The following TAF4B variants were observed in gnomAD, a reference collection of about 807,000 sequenced individuals.
TAF4B encodes transcription initiation factor TFIID subunit 4B.
In TAF4B, 38 loss-of-function variants were observed where a neutral mutation model predicts 86.4. The observed-to-expected ratio is 0.44, with a 90% CI of 0.34 to 0.58. The LOEUF (loss-of-function observed/expected upper bound fraction) is 0.58, where lower values mean the gene tolerates loss of function less well. TAF4B is among the 20% of genes least tolerant of loss of function. The pLI is 0.02. For missense variants in TAF4B, 988 were observed against 1,027.6 expected, an observed-to-expected ratio of 0.96 and a Z score of 0.53; for synonymous variants, 388 against 391.2, an observed-to-expected ratio of 0.99 and a Z score of 0.10.
At chr18:26,282,758 ACTT>A (rs1487873229) in intron 6 of TAF4B, among the ~76,000 whole-genome samples, 1 of 152,178 alleles carries the variant, frequency 6.6e-6, no homozygotes, top group Non-Finnish European at 1.5e-5. Flanking sequence ...ACACAGCAGA[ACTT>A]CTTTCAAAAT....
At chr18:26,382,135 A>C (rs1342189747) in intron 14 of TAF4B, among the ~76,000 whole-genome samples, 1 of 152,188 alleles carries the variant, frequency 6.6e-6, no homozygotes, top group Non-Finnish European at 1.5e-5. Context: ...ACTTATATTC[A>C]CAGTTCTCCA....
At chr18:26,227,322 G>A (rs757209066) in intron 1 of TAF4B, 46 bp downstream of exon 1, 1 of 1,569,504 alleles carries the variant, frequency 6.4e-7, no homozygotes. Context: ...TCCAGCTGGC[G>A]GCGACGGGAA....
At chr18:26,340,407 A>C (rs1036370196) in intron 13 of TAF4B, among the ~76,000 whole-genome samples, 1 of 152,220 alleles carries the variant, frequency 6.6e-6, no homozygotes, top group Non-Finnish European at 1.5e-5. Context: ...GACAAATGAA[A>C]CTTGTCATGA....
chr18:26,368,834 A>G (rs1340970803), intron 14 of TAF4B, among the ~76,000 whole-genome samples: 5 of 152,140 alleles, frequency 3.3e-5, no homozygotes, highest in Admixed American at 2.6e-4. Context: ...CAAAGACTTA[A>G]AGGTTGACTC....
rs780563810 is a variant in TAF4B at position 26,335,165 on chromosome 18, C to T, written c.2260-10C>T. The T allele has an allele frequency of 5.6e-6, 9 of 1,607,216 alleles. No homozygotes were observed. The Admixed American group carries it at 6.7e-5, about 12-fold the overall frequency. ...GTAATTTCTATTAAAATTTTCTTTT[C>T]CTTTGATAGAGTCGTTCTAATAAAG... is the stretch of plus-strand genomic sequence containing the variant. On this transcript the variant is annotated splice_polypyrimidine_tract_variant and intron_variant, in intron 12 of 14. Coordinates refer to ENST00000269142, the MANE Select transcript of TAF4B (RefSeq NM_005640.3).
chr18:26,273,130 A>G (rs2056341678), intron 3 of TAF4B, among the ~76,000 whole-genome samples: 1 of 152,180 alleles, frequency 6.6e-6, no homozygotes, highest in African/African-American at 2.4e-5. Flanking sequence ...TTTCTAGAAC[A>G]TGTTGTATAA....
intron 14 of TAF4B, among the ~76,000 whole-genome samples, chr18:26,373,486 A>G (rs2057420489): frequency 6.6e-6 from 1 of 152,178 alleles, no homozygotes; most frequent in Admixed American, 6.5e-5. Context: ...ATTAATCAAA[A>G]TCAATATATG....
intron 9 of TAF4B, among the ~76,000 whole-genome samples, chr18:26,300,622 T>C (rs186603495): frequency 5.3e-5 from 8 of 152,150 alleles, no homozygotes; most frequent in Admixed American, 5.2e-4. Context: ...AATTTCAATT[T>C]TATTAAATTT....
chr18:26,282,219 ATAT>A (rs574296465), intron 6 of TAF4B, among the ~76,000 whole-genome samples, 159 bp downstream of exon 6: 33 of 152,356 alleles, frequency 2.2e-4, no homozygotes, highest in African/African-American at 6.3e-4. Flanking sequence ...CGTGTTCATA[ATAT>A]TATTTTAATT....
chr18:26,339,898 G>A (rs140700698), intron 13 of TAF4B, among the ~76,000 whole-genome samples: 22 of 152,278 alleles, frequency 1.4e-4, no homozygotes, highest in African/African-American at 4.8e-4. Context: ...TTTGGGAAAT[G>A]TGAGTTCAAT....
intron 3 of TAF4B, among the ~76,000 whole-genome samples, chr18:26,271,896 C>T (rs959592839): frequency 6.9e-6 from 1 of 144,272 alleles, no homozygotes; most frequent in African/African-American, 2.6e-5. Context: ...CACTGCACTC[C>T]AGCCTGGTGG....
intron 9 of TAF4B, among the ~76,000 whole-genome samples, chr18:26,303,075 A>ACTTTCATC (rs2056755322): frequency 4.3e-5 from 1 of 23,114 alleles, no homozygotes; most frequent in Non-Finnish European, 8.6e-5. Context: ...CCACTTTCAT[A>ACTTTCATC]CCCCCTCCAC....
At chr18:26,228,244 C>G (rs1487888947) in intron 1 of TAF4B, among the ~76,000 whole-genome samples, 1 of 152,086 alleles carries the variant, frequency 6.6e-6, no homozygotes, top group Non-Finnish European at 1.5e-5. Context: ...TTTTGTTTAG[C>G]AGTAATTGGA....
chr18:26,356,166 C>T (rs749015380), intron 13 of TAF4B, among the ~76,000 whole-genome samples: 3 of 152,072 alleles, frequency 2.0e-5, no homozygotes, highest in African/African-American at 4.8e-5. Context: ...AGCCTACTTG[C>T]GCACTATGTT....
intron 13 of TAF4B, among the ~76,000 whole-genome samples, chr18:26,335,991 A>G (rs530591410): frequency 4.3e-4 from 65 of 152,274 alleles, no homozygotes; most frequent in African/African-American, 1.5e-3. Flanking sequence ...TGAGAACAGA[A>G]TGAAATGAAA....
At chr18:26,302,076 G>C (rs1398669354) in intron 9 of TAF4B, among the ~76,000 whole-genome samples, 1 of 152,052 alleles carries the variant, frequency 6.6e-6, no homozygotes, top group Non-Finnish European at 1.5e-5. Context: ...TTAGTTTCTT[G>C]TCCTCAAAAC....
chr18:26,359,378 G>A (rs2057313538), intron 14 of TAF4B, among the ~76,000 whole-genome samples: 1 of 152,046 alleles, frequency 6.6e-6, no homozygotes, highest in African/African-American at 2.4e-5. Flanking sequence ...CATAGAAATG[G>A]AATTCCTGAC....
intron 11 of TAF4B, among the ~76,000 whole-genome samples, chr18:26,326,636 G>T (rs1392105725): frequency 1.3e-5 from 2 of 152,062 alleles, no homozygotes; most frequent in Non-Finnish European, 2.9e-5. Flanking sequence ...TTATATTAAT[G>T]TCTGCTGAGG....
rs139214891 is a variant in TAF4B at position 26,263,718 on chromosome 18, T to A, written c.344-1452T>A. Among the ~76,000 whole-genome samples the A allele has an allele frequency of 2.0e-3, 300 of 152,138 alleles. 1 individual carries two copies. Among genetic ancestry groups the A allele is most frequent in the African/African-American group, 7.1e-3 (293 of 41,482 alleles). On this transcript the variant is annotated intron_variant, in intron 1 of 14. Transcript: ENST00000269142. Reference sequence around the variant, plus strand: ...CTTTCGCTCTTTCTCTCTTTCTCTCTCTCTCTCTCTTTTTTGAGACAGGGT... The same window carrying A: ...CTTTCGCTCTTTCTCTCTTTCTCTCACTCTCTCTCTTTTTTGAGACAGGGT...
Sources: gnomAD v4.1 joint callset for allele counts (sites outside exome capture counted in the v4.1 genomes callset) on GRCh38, gnomAD v4.1.1 for gene constraint, MANE v1.5 for transcripts, NCBI Gene and HGNC (gene_info 2026-07-23, HGNC 2026-07-21) for gene names.